SPEF2: variants seen among roughly 807,000 people sequenced by gnomAD.
The protein encoded by SPEF2 is sperm flagellar and cilia associated 2.
Under a neutral mutation model 224.6 loss-of-function variants are expected in SPEF2, and 187 were observed. The observed-to-expected ratio is 0.83, with a 90% confidence interval of 0.74 to 0.94. The LOEUF (loss-of-function observed/expected upper bound fraction) is 0.94. Among genes scored for constraint, SPEF2 ranks in the 40% least tolerant of loss-of-function variants. The pLI is 0.00. For synonymous variants in SPEF2, 715 were observed against 707.3 expected, an observed-to-expected ratio of 1.01 and a Z score of -0.17; for missense variants, 2,170 against 2,135.6, an observed-to-expected ratio of 1.02 and a Z score of -0.32.
At chr5:35,800,179 G>T in intron 34 of SPEF2, 32 bp downstream of exon 34, 7 of 1,595,834 alleles carry the variant, frequency 4.4e-6, no homozygotes, top group Non-Finnish European at 6.0e-6. Flanking sequence ...ACTAACTATA[G>T]AGTCTAGAGG....
At chr5:35,699,622 T>C (rs1738170902) in intron 15 of SPEF2, 1 of 152,192 alleles carries the variant, frequency 6.6e-6, no homozygotes, top group South Asian at 2.1e-4. Context: ...AGGTTGGCAG[T>C]ACAAGTATCC....
In SPEF2 at chr5:35,774,066, G is replaced by A. The variant is rs756347660; in HGVS notation, c.4078+45G>A. On this transcript the variant is annotated intron_variant, in intron 28 of 36. Transcript: ENST00000356031. ...AGATGATGCTTTTCAGTAGAAAGGA[G>A]ACCAGTAGCCAAACAGCCCACAACT... 30 of 1,593,668 alleles carry A rather than the reference G, an allele frequency of 1.9e-5. No homozygotes were observed. In the South Asian group the frequency reaches 3.2e-4, roughly 17 times the overall value.
intron 1 of SPEF2, among the ~76,000 whole-genome samples, chr5:35,619,566 A>G (rs1743200210): frequency 6.6e-6 from 1 of 151,974 alleles, no homozygotes; most frequent in South Asian, 2.1e-4. Context: ...AGTCCCAGCT[A>G]CTTGGGAGGC....
At chr5:35,786,577 T>C (rs1467460081) in intron 30 of SPEF2, among the ~76,000 whole-genome samples, 1 of 152,150 alleles carries the variant, frequency 6.6e-6, no homozygotes, top group Non-Finnish European at 1.5e-5. Context: ...GGAGAATTGC[T>C]TGAACCCAGG....
chr5:35,725,611 T>C (rs1744505859), intron 20 of SPEF2, among the ~76,000 whole-genome samples: 1 of 152,192 alleles, frequency 6.6e-6, no homozygotes, highest in Admixed American at 6.5e-5. Context: ...GTTTACTTTC[T>C]TAGTTGTAAA....
chr5:35,743,233 GA>G (rs1251674611), intron 23 of SPEF2, among the ~76,000 whole-genome samples: 1 of 151,866 alleles, frequency 6.6e-6, no homozygotes, highest in Non-Finnish European at 1.5e-5. Flanking sequence ...TAAAGCTGAG[GA>G]AAGGAGAAAG....
chr5:35,763,165 A>G (rs1471186272), intron 25 of SPEF2, among the ~76,000 whole-genome samples: 2 of 152,218 alleles, frequency 1.3e-5, no homozygotes, highest in Admixed American at 6.5e-5. Context: ...CTTTTTCACG[A>G]CTGACTTTTT....
intron 30 of SPEF2, chr5:35,789,310 C>T (rs1187728488): frequency 1.4e-6 from 1 of 703,236 alleles, no homozygotes; most frequent in Non-Finnish European, 2.6e-6. Context: ...ATAGAAATTC[C>T]TCAATTGCTG....
intron 14 of SPEF2, among the ~76,000 whole-genome samples, chr5:35,696,021 G>A: frequency 6.6e-6 from 1 of 152,186 alleles, no homozygotes; most frequent in Admixed American, 6.5e-5. Flanking sequence ...TTGCCAGGGT[G>A]ATAAACTTGT....
intron 36 of SPEF2, among the ~76,000 whole-genome samples, chr5:35,808,956 C>T (rs890271317): frequency 1.3e-5 from 2 of 151,468 alleles, no homozygotes; most frequent in Admixed American, 1.3e-4. Flanking sequence ...AATATGATTA[C>T]AGCATGTAAG....
chr5:35,757,857 C>T (rs1750675923), intron 24 of SPEF2, among the ~76,000 whole-genome samples: 1 of 152,176 alleles, frequency 6.6e-6, no homozygotes, highest in Non-Finnish European at 1.5e-5. Context: ...TGAGACAATA[C>T]ATAAATGGTA....
intron 22 of SPEF2, 37 bp from the exon 23 acceptor site, chr5:35,740,092 A>G (rs1235001111): frequency 4.3e-6 from 7 of 1,614,076 alleles, no homozygotes; most frequent in Non-Finnish European, 5.9e-6. Flanking sequence ...TAGAGGCATG[A>G]CATATAAAAT....
chr5:35,656,765 A>G (rs1749011325), intron 7 of SPEF2, among the ~76,000 whole-genome samples: 1 of 152,248 alleles, frequency 6.6e-6, no homozygotes, highest in Non-Finnish European at 1.5e-5. Context: ...CCAGTTTGGA[A>G]ATCCAGCAAC....
chr5:35,666,235 G>A (rs1750444537), intron 8 of SPEF2, among the ~76,000 whole-genome samples: 1 of 152,128 alleles, frequency 6.6e-6, no homozygotes, highest in Non-Finnish European at 1.5e-5. Context: ...TTTTCCTAGA[G>A]CAGGCTAGCA....
At chr5:35,634,363 G>C (rs990686270) in intron 2 of SPEF2, among the ~76,000 whole-genome samples, 2 of 152,080 alleles carry the variant, frequency 1.3e-5, no homozygotes, top group African/African-American at 4.8e-5. Flanking sequence ...CAAGAAGTCA[G>C]CTGTTTATTT....
At chr5:35,684,060 A>C (rs969986416) in intron 10 of SPEF2, 1 of 152,096 alleles carries the variant, frequency 6.6e-6, no homozygotes, top group Non-Finnish European at 1.5e-5. Context: ...AGTAAATAAT[A>C]TATGTTTTAT....
At chr5:35,718,038 C>A (rs1484545145) in intron 20 of SPEF2, among the ~76,000 whole-genome samples, 2 of 152,076 alleles carry the variant, frequency 1.3e-5, no homozygotes, top group African/African-American at 4.8e-5. Context: ...AAGGCAAGAG[C>A]AGACAAATGG....
intron 26 of SPEF2, among the ~76,000 whole-genome samples, chr5:35,769,392 A>G (rs1752490805): frequency 6.6e-6 from 1 of 152,130 alleles, no homozygotes; most frequent in Non-Finnish European, 1.5e-5. Context: ...AAAAGAAAGA[A>G]AAGAAAAAGC....
At chr5:35,721,307 G>C (rs1184391063) in intron 20 of SPEF2, among the ~76,000 whole-genome samples, 2 of 152,096 alleles carry the variant, frequency 1.3e-5, no homozygotes, top group Non-Finnish European at 2.9e-5. Context: ...ACATTTTACT[G>C]TTCTTACACA....
Sources: gnomAD v4.1 joint callset for allele counts (sites outside exome capture counted in the v4.1 genomes callset) on GRCh38, gnomAD v4.1.1 for gene constraint, MANE v1.5 for transcripts, NCBI Gene and HGNC (gene_info 2026-07-23, HGNC 2026-07-21) for gene names.